Variants in ADGRB3 observed in about 807,000 individuals in gnomAD.
The protein encoded by ADGRB3 is brain-specific angiogenesis inhibitor 3.
A neutral mutation model predicts 193.4 loss-of-function variants in ADGRB3; 37 were observed. The observed-to-expected ratio is 0.19, with a 90% CI of 0.15 to 0.25. The LOEUF (loss-of-function observed/expected upper bound fraction) is 0.25. Among genes scored for constraint, ADGRB3 ranks in the 10% least tolerant of loss-of-function variants. The pLI is 1.00. For synonymous variants in ADGRB3, 690 were observed against 644.2 expected, an observed-to-expected ratio of 1.07 and a Z score of -1.08; for missense variants, 1,637 against 1,852.9, an observed-to-expected ratio of 0.88 and a Z score of 2.14.
At chr6:68,957,720 A>G (rs1251405587) in intron 8 of ADGRB3, among the ~76,000 whole-genome samples, 1 of 152,138 alleles carries the variant, frequency 6.6e-6, no homozygotes, top group Non-Finnish European at 1.5e-5. Flanking sequence ...TTCTGCCTTT[A>G]TCTCACATGA....
intron 3 of ADGRB3, among the ~76,000 whole-genome samples, chr6:68,923,674 T>C (rs1297558355): frequency 6.6e-6 from 1 of 152,058 alleles, no homozygotes; most frequent in Non-Finnish European, 1.5e-5. Context: ...TAAATGATAA[T>C]GAGCTTTGGT....
intron 11 of ADGRB3, among the ~76,000 whole-genome samples, chr6:69,002,066 C>G (rs1769594288): frequency 6.6e-6 from 1 of 152,112 alleles, no homozygotes; most frequent in Non-Finnish European, 1.5e-5. Flanking sequence ...AAATTTGTTT[C>G]TCAATAGCTG....
In ADGRB3 at chr6:69,057,125, T is replaced by C. The variant is rs566438674; in HGVS notation, c.2334-5809T>C. ...AATGTATAACTCTTTCCTCCTTAAG[T>C]TTACTCATATTTTATTTATTTTGAT... On this transcript the variant is annotated intron_variant, in intron 15 of 31. Coordinates refer to ENST00000370598, the MANE Select transcript of ADGRB3 (RefSeq NM_001704.3). Among the ~76,000 whole-genome samples, 27 of 152,204 alleles carry C rather than the reference T, an allele frequency of 1.8e-4. No homozygotes were observed. The East Asian group carries it at 3.9e-3, about 22-fold the overall frequency.
chr6:68,871,543 TG>T (rs1250003253), intron 3 of ADGRB3, among the ~76,000 whole-genome samples: 3 of 152,266 alleles, frequency 2.0e-5, no homozygotes. Context: ...TTTTTCTTGT[TG>T]ATAAGCTTAT....
intron 3 of ADGRB3, among the ~76,000 whole-genome samples, chr6:68,926,077 T>C (rs1440426603): frequency 1.3e-5 from 2 of 152,068 alleles, no homozygotes; most frequent in East Asian, 3.8e-4. Flanking sequence ...TTTCTCCCCA[T>C]TGAACTAAGC....
intron 3 of ADGRB3, among the ~76,000 whole-genome samples, chr6:68,775,964 A>G (rs964701856): frequency 6.6e-6 from 1 of 152,162 alleles, no homozygotes; most frequent in African/African-American, 2.4e-5. Context: ...GAGGTATCAC[A>G]AATAAGAATT....
rs528317039 is a variant in ADGRB3 at position 69,303,668 on chromosome 6, TA to T, written c.2815-21194del. 8.0e-4 allele frequency among the ~76,000 whole-genome samples: 121 copies of T among 151,114 alleles called. 1 individual carries two copies. The Middle Eastern group carries it at 0.01, about 13-fold the overall frequency. On this transcript the variant is annotated intron_variant, in intron 20 of 31. Coordinates refer to ENST00000370598, the MANE Select transcript of ADGRB3 (RefSeq NM_001704.3). ...TTTAGAGTCCGCCTAATCTGAAACT[TA>T]AAAAAAAAATTTTTTGCTCATTTTT...
chr6:68,789,794 C>G (rs539126478), intron 3 of ADGRB3, among the ~76,000 whole-genome samples: 1 of 152,332 alleles, frequency 6.6e-6, no homozygotes, highest in Non-Finnish European at 1.5e-5. Flanking sequence ...GTACACCAAT[C>G]AGACATAGAT....
At chr6:68,767,197 T>G (rs1766526684) in intron 3 of ADGRB3, among the ~76,000 whole-genome samples, 1 of 152,160 alleles carries the variant, frequency 6.6e-6, no homozygotes, top group African/African-American at 2.4e-5. Flanking sequence ...CCAAATCAAT[T>G]TTTTAAGTTT....
At chr6:69,127,501 G>A (rs1020343272) in intron 17 of ADGRB3, among the ~76,000 whole-genome samples, 3 of 152,108 alleles carry the variant, frequency 2.0e-5, no homozygotes, top group African/African-American at 4.8e-5. Context: ...CTTCAATTCC[G>A]ATTTCTATTC....
At chr6:69,234,784 T>C (rs916037925) in intron 18 of ADGRB3, among the ~76,000 whole-genome samples, 3 of 152,090 alleles carry the variant, frequency 2.0e-5, no homozygotes, top group Non-Finnish European at 4.4e-5. Flanking sequence ...AAGGATGTAA[T>C]ATTCCATAGC....
intron 3 of ADGRB3, among the ~76,000 whole-genome samples, chr6:68,782,632 C>T (rs1369412146): frequency 6.6e-6 from 1 of 152,118 alleles, no homozygotes; most frequent in African/African-American, 2.4e-5. Context: ...TCTCCAGCAC[C>T]TGTTGTTTCC....
intron 10 of ADGRB3, among the ~76,000 whole-genome samples, chr6:68,976,629 T>C (rs1562107738): frequency 6.6e-6 from 1 of 152,194 alleles, no homozygotes; most frequent in African/African-American, 2.4e-5. Flanking sequence ...TACAATAAAG[T>C]AAGCTAGAGA....
chr6:69,224,701 A>T (rs1175693121), intron 17 of ADGRB3, among the ~76,000 whole-genome samples: 3 of 152,184 alleles, frequency 2.0e-5, no homozygotes, highest in Non-Finnish European at 4.4e-5. Context: ...GAACTAATGT[A>T]TATAGCAGTA....
chr6:68,645,155 A>C (rs1270651088), intron 3 of ADGRB3, among the ~76,000 whole-genome samples: 1 of 152,086 alleles, frequency 6.6e-6, no homozygotes, highest in Non-Finnish European at 1.5e-5. Context: ...ATTTAAAAAT[A>C]AGATTTTGTA....
rs189229038 is a variant in ADGRB3 at position 69,281,625 on chromosome 6, A to G, written c.2814+42399A>G. ...TACATTGCTCTAAGTTCTCTCAAAT[A>G]TGAATCCCACATGGTACTGGCAAAA... On this transcript the variant is annotated intron_variant, in intron 20 of 31. Coordinates refer to ENST00000370598, the MANE Select transcript of ADGRB3 (RefSeq NM_001704.3). 3.6e-3 allele frequency among the ~76,000 whole-genome samples: 549 copies of G among 152,280 alleles called. 4 individuals carry two copies. The highest frequency in any genetic ancestry group is 0.02 in the Middle Eastern group (6 of 294).
intron 17 of ADGRB3, among the ~76,000 whole-genome samples, chr6:69,159,330 C>CT (rs1350524653): frequency 1.3e-5 from 2 of 152,084 alleles, no homozygotes; most frequent in Non-Finnish European, 2.9e-5. Flanking sequence ...TCATCATACT[C>CT]TTATGTATAA....
At chr6:69,360,807 A>G (rs1290037843) in intron 28 of ADGRB3, 62 bp from the exon 29 acceptor site, 27 of 1,455,946 alleles carry the variant, frequency 1.9e-5, no homozygotes, top group Non-Finnish European at 2.1e-5. Context: ...ACAACATAAT[A>G]TAATAATGAA....
chr6:69,006,029 T>A (rs1769739345), intron 11 of ADGRB3, among the ~76,000 whole-genome samples: 1 of 152,174 alleles, frequency 6.6e-6, no homozygotes. Context: ...CCTCTTGGTC[T>A]TGCTTGATTA....
Sources: gnomAD v4.1 joint callset for allele counts (sites outside exome capture counted in the v4.1 genomes callset) on GRCh38, gnomAD v4.1.1 for gene constraint, MANE v1.5 for transcripts, NCBI Gene and HGNC (gene_info 2026-07-23, HGNC 2026-07-21) for gene names.